The following FHIT variants were observed in gnomAD, a reference collection of about 807,000 sequenced individuals.
FHIT encodes bis(5'-adenosyl)-triphosphatase.
FHIT carries 19 observed loss-of-function variants against 17.9 expected under a neutral mutation model. The observed-to-expected ratio is 1.06, with a 90% CI of 0.74 to 1.56. FHIT has a LOEUF of 1.56. FHIT is among the 40% of genes most tolerant of loss of function. FHIT has a pLI of 0.00. For synonymous variants in FHIT, 81 were observed against 69.7 expected, an observed-to-expected ratio of 1.16 and a Z score of -0.81; for missense variants, 248 against 189.2, an observed-to-expected ratio of 1.31 and a Z score of -1.82.
intron 4 of FHIT, among the ~76,000 whole-genome samples, chr3:60,802,165 T>C (rs1407502790): frequency 2.6e-5 from 4 of 152,206 alleles, no homozygotes; most frequent in Non-Finnish European, 5.9e-5. Flanking sequence ...TCATGGTAAT[T>C]GGCATATTCT....
chr3:60,910,446 T>C lies in FHIT; in HGVS notation c.-110-88435A>G, dbSNP rs1210425718. 2.0e-5 allele frequency among the ~76,000 whole-genome samples: 3 copies of C among 151,468 alleles called. 1 individual carries two copies. The highest frequency in any genetic ancestry group is 4.2e-4 in the South Asian group (2 of 4,774). ...TTTTTTTCCCAGACGGAGTCTCGCTTTGTCGCCTAGGCTGGAGTGCAGTGG... is the reference window on the plus strand; with the variant it reads ...TTTTTTTCCCAGACGGAGTCTCGCTCTGTCGCCTAGGCTGGAGTGCAGTGG... On this transcript the variant is annotated intron_variant, in intron 3 of 9. Transcript: ENST00000492590.
intron 4 of FHIT, among the ~76,000 whole-genome samples, chr3:60,779,478 T>C (rs1353973694): frequency 6.6e-6 from 1 of 151,700 alleles, no homozygotes; most frequent in Non-Finnish European, 1.5e-5. Flanking sequence ...TACCAGGAGG[T>C]TTCCTTTTTG....
At chr3:59,912,297 C>T (rs913892798) in intron 8 of FHIT, among the ~76,000 whole-genome samples, 3 of 152,090 alleles carry the variant, frequency 2.0e-5, no homozygotes, top group African/African-American at 7.2e-5. Context: ...GCCCAATGCC[C>T]CAGGGAAAGA....
chr3:60,837,002 C>T (rs1702563267), intron 3 of FHIT, among the ~76,000 whole-genome samples: 1 of 152,112 alleles, frequency 6.6e-6, no homozygotes, highest in Non-Finnish European at 1.5e-5. Flanking sequence ...TTATTTCATT[C>T]AGGACTTTGA....
At chr3:60,407,333 G>A (rs890444889) in intron 5 of FHIT, among the ~76,000 whole-genome samples, 5 of 151,820 alleles carry the variant, frequency 3.3e-5, no homozygotes, top group Non-Finnish European at 7.4e-5. Flanking sequence ...GGTCCAGAGG[G>A]TTGCTATTAC....
intron 2 of FHIT, among the ~76,000 whole-genome samples, chr3:61,198,746 G>C (rs1056784700): frequency 1.3e-5 from 2 of 152,064 alleles, no homozygotes; most frequent in African/African-American, 4.8e-5. Context: ...CTTTTCATTT[G>C]ATTCCTAAGG....
intron 5 of FHIT, among the ~76,000 whole-genome samples, chr3:60,357,836 G>T (rs1699741345): frequency 6.6e-6 from 1 of 152,094 alleles, no homozygotes; most frequent in Non-Finnish European, 1.5e-5. Context: ...CTTTGCATAA[G>T]ACTACCTTGT....
In FHIT at chr3:61,175,543, A is replaced by C. The variant is rs569238102; in HGVS notation, c.-164+25074T>G. 2.0e-4 allele frequency among the ~76,000 whole-genome samples: 30 copies of C among 152,282 alleles called. No individual in the cohort carries two copies. In the South Asian group the frequency reaches 4.1e-3, roughly 21 times the overall value. The stretch of plus-strand genomic sequence containing the variant: ...ACTTAAATTTAATTAATTAATAATT[A>C]ATTAAATTGTTGAAACTTAAGCCCC... On this transcript the variant is annotated intron_variant, in intron 2 of 9. Coordinates refer to ENST00000492590, the MANE Select transcript of FHIT (RefSeq NM_002012.4).
chr3:61,137,249 C>A (rs12632702), intron 2 of FHIT, among the ~76,000 whole-genome samples: 21,668 of 143,162 alleles, frequency 0.15, 2,125 homozygotes, highest in East Asian at 0.46. Flanking sequence ...TAAAACGTAT[C>A]ATAGGTTTCA....
intron 4 of FHIT, among the ~76,000 whole-genome samples, chr3:60,787,640 T>G (rs1700627489): frequency 6.6e-6 from 1 of 152,232 alleles, no homozygotes; most frequent in Non-Finnish European, 1.5e-5. Context: ...CCATTCTTTG[T>G]GCATTCTGTG....
At chr3:59,885,435 C>T (rs529497280) in intron 8 of FHIT, among the ~76,000 whole-genome samples, 2 of 148,412 alleles carry the variant, frequency 1.3e-5, no homozygotes, top group African/African-American at 2.6e-5. Flanking sequence ...TACATGCTAC[C>T]TGATGCTTTT....
At chr3:60,327,559 T>C (rs1156409868) in intron 5 of FHIT, among the ~76,000 whole-genome samples, 1 of 152,220 alleles carries the variant, frequency 6.6e-6, no homozygotes, top group African/African-American at 2.4e-5. Flanking sequence ...GTAGACCATG[T>C]CTTGCATATG....
intron 2 of FHIT, among the ~76,000 whole-genome samples, chr3:61,150,353 G>A (rs947127551): frequency 5.3e-5 from 8 of 152,092 alleles, no homozygotes; most frequent in Admixed American, 1.3e-4. Flanking sequence ...TTAAGAGATG[G>A]AGTCTCCCTA....
intron 3 of FHIT, among the ~76,000 whole-genome samples, chr3:60,934,680 G>A (rs1708111759): frequency 6.6e-6 from 1 of 152,144 alleles, no homozygotes; most frequent in Non-Finnish European, 1.5e-5. Flanking sequence ...ATCCTACCTT[G>A]CTTAAGTACA....
At chr3:61,067,319 C>A (rs1305453058) in intron 2 of FHIT, among the ~76,000 whole-genome samples, 2 of 152,076 alleles carry the variant, frequency 1.3e-5, no homozygotes, top group Non-Finnish European at 2.9e-5. Context: ...TGGTTTGTTA[C>A]AGAGAAAGGA....
At chr3:60,763,590 C>T (rs957728815) in intron 4 of FHIT, among the ~76,000 whole-genome samples, 4 of 152,182 alleles carry the variant, frequency 2.6e-5, no homozygotes, top group Non-Finnish European at 2.9e-5. Context: ...GATTCAAACC[C>T]AGGTCTGAAT....
chr3:60,739,119 C>T (rs2042193224), intron 4 of FHIT, among the ~76,000 whole-genome samples: 1 of 152,186 alleles, frequency 6.6e-6, no homozygotes, highest in African/African-American at 2.4e-5. Flanking sequence ...ATTCCATCCC[C>T]CAGCCAGCTC....
intron 8 of FHIT, among the ~76,000 whole-genome samples, chr3:59,774,285 C>T (rs886998288): frequency 2.6e-5 from 4 of 152,146 alleles, no homozygotes; most frequent in African/African-American, 7.2e-5. Context: ...TAAGGATTTG[C>T]GACAGAAACT....
chr3:59,788,881 G>GTTATTTTTTTTTTTTTTTT (rs1699424437), intron 8 of FHIT, among the ~76,000 whole-genome samples: 1 of 86,804 alleles, frequency 1.2e-5, no homozygotes, highest in Admixed American at 1.8e-4. Context: ...GAGTTCATAT[G>GTTATTTTTTTTTTTTTTTT]TTTTTTTTTT....
Sources: allele counts gnomAD v4.1 joint callset (sites outside exome capture counted in the v4.1 genomes callset), GRCh38; gene constraint gnomAD v4.1.1; transcripts MANE v1.5; gene names NCBI Gene and HGNC (gene_info 2026-07-23, HGNC 2026-07-21).